L3MBTL4: variants seen among roughly 807,000 people sequenced by gnomAD.
The protein encoded by L3MBTL4 is lethal(3)malignant brain tumor-like protein 4.
L3MBTL4 carries 70 observed loss-of-function variants against 84.5 expected under a neutral mutation model. The ratio of observed to expected loss-of-function variants is 0.83; its 90% CI spans 0.68 to 1.01. The LOEUF is 1.01. Among genes scored for constraint, L3MBTL4 ranks in the 50% least tolerant of loss-of-function variants. L3MBTL4 has a pLI of 0.00. For synonymous variants in L3MBTL4, 274 were observed against 259.8 expected (o/e 1.05, Z -0.52); for missense variants, 715 against 754.8 (o/e 0.95, Z 0.62).
intron 4 of L3MBTL4, among the ~76,000 whole-genome samples, chr18:6,270,400 C>G (rs1161870543): frequency 6.6e-6 from 1 of 152,206 alleles, no homozygotes; most frequent in Non-Finnish European, 1.5e-5. Context: ...CTCCCTCACA[C>G]CGCATTTACT....
intron 4 of L3MBTL4, among the ~76,000 whole-genome samples, chr18:6,267,732 A>T (rs748501464): frequency 1.3e-5 from 2 of 152,214 alleles, no homozygotes; most frequent in East Asian, 3.8e-4. Flanking sequence ...TTATGATCAC[A>T]TATGTACCAA....
intron 1 of L3MBTL4, among the ~76,000 whole-genome samples, chr18:6,401,413 T>G (rs17503204): frequency 0.018 from 2,674 of 152,302 alleles, 24 homozygotes; most frequent in Middle Eastern, 0.051. Context: ...TTGTTGCTCC[T>G]TACAGCATAT....
At chr18:5,961,435 T>C (rs2095262914) in intron 17 of L3MBTL4, among the ~76,000 whole-genome samples, 1 of 152,244 alleles carries the variant, frequency 6.6e-6, no homozygotes, top group African/African-American at 2.4e-5. Flanking sequence ...CACAGCTATA[T>C]TTAGTCTGTG....
intron 14 of L3MBTL4, among the ~76,000 whole-genome samples, chr18:6,093,947 G>A (rs1023292931): frequency 2.6e-5 from 4 of 152,158 alleles, no homozygotes; most frequent in East Asian, 1.9e-4. Context: ...AGAATATTGC[G>A]TTTTCATTTC....
At chr18:5,960,941 C>T (rs1488034376) in intron 17 of L3MBTL4, among the ~76,000 whole-genome samples, 3 of 152,106 alleles carry the variant, frequency 2.0e-5, no homozygotes, top group Admixed American at 6.5e-5. Flanking sequence ...TTGAACAAAC[C>T]TGATAAAGGG....
chr18:6,305,935 T>C (rs908668348), intron 3 of L3MBTL4, among the ~76,000 whole-genome samples: 2 of 152,220 alleles, frequency 1.3e-5, no homozygotes, highest in Non-Finnish European at 2.9e-5. Context: ...TTTTGATTCA[T>C]CACCTTGGAA....
chr18:6,262,180 C>G (rs1440032872), intron 5 of L3MBTL4, among the ~76,000 whole-genome samples: 4 of 152,146 alleles, frequency 2.6e-5, no homozygotes, highest in Non-Finnish European at 5.9e-5. Flanking sequence ...TGTTTTGGCC[C>G]ACTCTGTTCT....
intron 16 of L3MBTL4, 145 bp from the exon 17 acceptor site, chr18:5,969,707 C>A: frequency 4.1e-6 from 3 of 724,478 alleles, no homozygotes; most frequent in East Asian, 2.8e-5. Flanking sequence ...TACAGCATCA[C>A]CCCCAAGCAT....
chr18:6,206,965 C>T (rs2045902440), intron 12 of L3MBTL4, among the ~76,000 whole-genome samples: 1 of 152,104 alleles, frequency 6.6e-6, no homozygotes, highest in Non-Finnish European at 1.5e-5. Context: ...AATAGTCTAA[C>T]CAGTACAGTA....
intron 12 of L3MBTL4, among the ~76,000 whole-genome samples, chr18:6,192,396 A>G (rs967556482): frequency 2.6e-5 from 4 of 152,140 alleles, no homozygotes; most frequent in East Asian, 3.9e-4. Context: ...GGGGTGCTTC[A>G]TTAGAAATGT....
chr18:6,126,532 T>C, intron 14 of L3MBTL4, among the ~76,000 whole-genome samples: 1 of 152,204 alleles, frequency 6.6e-6, no homozygotes, highest in East Asian at 1.9e-4. Context: ...TTGCACTTAA[T>C]AAAATCCTTA....
At chr18:6,398,836 G>A (rs1301638719) in intron 1 of L3MBTL4, among the ~76,000 whole-genome samples, 1 of 151,972 alleles carries the variant, frequency 6.6e-6, no homozygotes, top group Non-Finnish European at 1.5e-5. Context: ...TGCGCCCCAG[G>A]CACCATGAGC....
chr18:6,095,944 G>C (rs1295208223), intron 14 of L3MBTL4, among the ~76,000 whole-genome samples: 2 of 152,194 alleles, frequency 1.3e-5, no homozygotes, highest in Non-Finnish European at 2.9e-5. Context: ...TAACTTAAGA[G>C]AGACTGAGAA....
intron 16 of L3MBTL4, among the ~76,000 whole-genome samples, chr18:5,996,355 A>C (rs976303198): frequency 6.6e-6 from 1 of 152,230 alleles, no homozygotes; most frequent in African/African-American, 2.4e-5. Context: ...CACACTGAAA[A>C]TCAGTAAGAT....
chr18:6,073,454 C>T (rs2057755129), intron 16 of L3MBTL4, among the ~76,000 whole-genome samples: 1 of 151,960 alleles, frequency 6.6e-6, no homozygotes, highest in Non-Finnish European at 1.5e-5. Flanking sequence ...CAGTTTTTTT[C>T]CTGTCTGTGA....
intron 1 of L3MBTL4, among the ~76,000 whole-genome samples, chr18:6,379,123 G>A (rs2054494286): frequency 6.6e-6 from 1 of 152,086 alleles, no homozygotes; most frequent in Non-Finnish European, 1.5e-5. Context: ...CTGTTTGTCT[G>A]TTATTGTTGT....
chr18:6,320,835 T>A (rs2051365303), intron 1 of L3MBTL4, among the ~76,000 whole-genome samples: 1 of 152,072 alleles, frequency 6.6e-6, no homozygotes, highest in South Asian at 2.1e-4. Context: ...TTACTGAACT[T>A]CAAATTATAC....
intron 10 of L3MBTL4, among the ~76,000 whole-genome samples, chr18:6,218,107 T>C (rs1449442086): frequency 6.6e-6 from 1 of 152,148 alleles, no homozygotes; most frequent in Non-Finnish European, 1.5e-5. Flanking sequence ...TGCAGTTGCA[T>C]TTACTTTTTC....
intron 13 of L3MBTL4, among the ~76,000 whole-genome samples, chr18:6,145,578 T>C (rs1193559481): frequency 6.8e-6 from 1 of 147,508 alleles, no homozygotes; most frequent in African/African-American, 2.5e-5. Context: ...ACCTGATTCA[T>C]TTAGCAAGTT....
Sources: gnomAD v4.1 joint callset for allele counts (sites outside exome capture counted in the v4.1 genomes callset) on GRCh38, gnomAD v4.1.1 for gene constraint, MANE v1.5 for transcripts, NCBI Gene and HGNC (gene_info 2026-07-23, HGNC 2026-07-21) for gene names.